LARGE1: variants seen among roughly 807,000 people sequenced by gnomAD.
The protein encoded by LARGE1 is xylosyl- and glucuronyltransferase LARGE1.
In LARGE1, 43 loss-of-function variants were observed where a neutral mutation model predicts 87.6. The ratio of observed to expected loss-of-function variants is 0.49; its 90% CI spans 0.38 to 0.63. The LOEUF is 0.63. LARGE1 is among the 30% of genes least tolerant of loss of function. The probability of loss-of-function intolerance (pLI) is 0.00; values close to 1 mark genes in which losing one functional copy is unlikely to be tolerated. For missense variants in LARGE1, 802 were observed against 1,000.2 expected (o/e 0.80, Z 2.67); for synonymous variants, 434 against 394.6 (o/e 1.10, Z -1.18).
intron 12 of LARGE1, among the ~76,000 whole-genome samples, chr22:33,293,050 A>G (rs1602272127): frequency 6.6e-6 from 1 of 152,124 alleles, no homozygotes; most frequent in Non-Finnish European, 1.5e-5. Context: ...GGAGGGAGGA[A>G]GACAGAAGCA....
chr22:33,625,475 C>T (rs1410701952), intron 4 of LARGE1, among the ~76,000 whole-genome samples: 1 of 152,184 alleles, frequency 6.6e-6, no homozygotes. Context: ...TGGAGATCAT[C>T]CGCAGGTTGG....
intron 2 of LARGE1, among the ~76,000 whole-genome samples, chr22:33,693,934 G>T (rs1179513805): frequency 6.6e-6 from 1 of 152,198 alleles, no homozygotes; most frequent in East Asian, 1.9e-4. Context: ...TAAGTCTTAG[G>T]TTGCAGTGCA....
intron 1 of LARGE1, among the ~76,000 whole-genome samples, chr22:33,830,839 C>G (rs1453039241): frequency 6.6e-6 from 1 of 152,218 alleles, no homozygotes; most frequent in Non-Finnish European, 1.5e-5. Context: ...AGACAGCAGT[C>G]TTCTTGCTGT....
At chr22:33,653,509 G>A (rs751050721) in intron 2 of LARGE1, among the ~76,000 whole-genome samples, 110 of 152,272 alleles carry the variant, frequency 7.2e-4, no homozygotes, top group Non-Finnish European at 1.1e-3. Flanking sequence ...ATTAACAAAT[G>A]GGACCTGTGA....
intron 9 of LARGE1, among the ~76,000 whole-genome samples, chr22:33,356,967 A>G (rs563473218): frequency 5.3e-5 from 8 of 152,312 alleles, no homozygotes; most frequent in African/African-American, 1.9e-4. Context: ...AGATTTCTCA[A>G]AGAACTAAAA....
intron 11 of LARGE1, 133 bp from the exon 12 acceptor site, chr22:33,304,640 A>C: frequency 1.1e-6 from 1 of 935,330 alleles, no homozygotes; most frequent in Non-Finnish European, 1.6e-6. Context: ...TTCAACGTTG[A>C]CTCACTCAGT....
At chr22:33,645,871 C>G (rs1250627920) in intron 3 of LARGE1, among the ~76,000 whole-genome samples, 1 of 152,132 alleles carries the variant, frequency 6.6e-6, no homozygotes, top group Non-Finnish European at 1.5e-5. Context: ...CAAAGAAATG[C>G]AAATCAAAAC....
At chr22:33,595,816 A>G (rs2078961829) in intron 5 of LARGE1, among the ~76,000 whole-genome samples, 1 of 152,230 alleles carries the variant, frequency 6.6e-6, no homozygotes, top group African/African-American at 2.4e-5. Flanking sequence ...CTTGCCCTCT[A>G]GGTTCCCTCT....
the LARGE1 span, among the ~76,000 whole-genome samples, chr22:33,123,299 A>T: frequency 1.1e-4 from 16 of 152,324 alleles, no homozygotes; most frequent in East Asian, 3.1e-3. Context: ...ATTATAACAT[A>T]AAGAGCCATT....
At chr22:33,920,676 G>C (rs1215513133), upstream of LARGE1, among the ~76,000 whole-genome samples, 1 of 145,658 alleles carries the variant, frequency 6.9e-6, no homozygotes. Context: ...GCGGAGGCGC[G>C]GCGAGTGGAT....
At chr22:33,741,717 A>C (rs539533310) in intron 2 of LARGE1, among the ~76,000 whole-genome samples, 14 of 152,360 alleles carry the variant, frequency 9.2e-5, no homozygotes, top group African/African-American at 3.4e-4. Flanking sequence ...ACTGCACAGA[A>C]ACAGAGACAC....
intron 6 of LARGE1, among the ~76,000 whole-genome samples, chr22:33,562,576 C>T (rs1346763796): frequency 6.6e-6 from 1 of 152,342 alleles, no homozygotes; most frequent in South Asian, 2.1e-4. Flanking sequence ...ATACCCTACT[C>T]AACCCCAGGA....
At chr22:33,177,346 A>C (rs1237267899) in intron 11 of LARGE1, among the ~76,000 whole-genome samples, 1 of 152,172 alleles carries the variant, frequency 6.6e-6, no homozygotes, top group African/African-American at 2.4e-5. Context: ...ATAGTGCCTT[A>C]TTAAATAAAA....
intron 7 of LARGE1, among the ~76,000 whole-genome samples, chr22:33,426,420 A>G (rs2066881282): frequency 6.6e-6 from 1 of 152,232 alleles, no homozygotes; most frequent in Non-Finnish European, 1.5e-5. Flanking sequence ...TTCTTTCAGA[A>G]CACGAAGAGA....
At chr22:33,558,749 T>C (rs1602427125) in intron 6 of LARGE1, among the ~76,000 whole-genome samples, 1 of 152,360 alleles carries the variant, frequency 6.6e-6, no homozygotes, top group East Asian at 1.9e-4. Context: ...ATTATAAGCA[T>C]AAAATTTCTA....
intron 6 of LARGE1, among the ~76,000 whole-genome samples, chr22:33,498,775 C>G (rs7291013): frequency 6.6e-6 from 1 of 151,806 alleles, no homozygotes; most frequent in Admixed American, 6.6e-5. Context: ...ATCGAGACCA[C>G]CCTGGCTAAC....
chr22:33,626,177 TC>T, intron 4 of LARGE1, 66 bp downstream of exon 4: 1 of 1,424,946 alleles, frequency 7.0e-7, no homozygotes, highest in Non-Finnish European at 9.9e-7. Context: ...ATTTAACCCT[TC>T]CCCAAGGAAA....
intron 5 of LARGE1, among the ~76,000 whole-genome samples, chr22:33,587,192 G>A (rs1462312960): frequency 6.6e-6 from 1 of 152,190 alleles, no homozygotes. Flanking sequence ...AACCTTTCAT[G>A]AATGTTGGGA....
chr22:33,175,841 A>G (rs76412958), intron 11 of LARGE1, among the ~76,000 whole-genome samples: 105,232 of 152,084 alleles, frequency 0.69, 38,018 homozygotes, highest in African/African-American at 0.91. Context: ...AGCCCGCATT[A>G]CCAAGACAAT....
Sources: allele counts gnomAD v4.1 joint callset (sites outside exome capture counted in the v4.1 genomes callset), GRCh38; gene constraint gnomAD v4.1.1; transcripts MANE v1.5; gene names NCBI Gene and HGNC (gene_info 2026-07-23, HGNC 2026-07-21).